The following RPH3A variants were observed in gnomAD, a reference collection of about 807,000 sequenced individuals.
RPH3A encodes the protein rabphilin-3A.
RPH3A carries 48 observed loss-of-function variants against 102.2 expected under a neutral mutation model. That is an observed-to-expected ratio of 0.47 (90% confidence interval 0.37 to 0.60). The LOEUF (loss-of-function observed/expected upper bound fraction) is 0.60, where lower values mean the gene tolerates loss of function less well. Among genes scored for constraint, RPH3A ranks in the 20% least tolerant of loss-of-function variants. The pLI is 0.00. For synonymous variants in RPH3A, 310 were observed against 324.3 expected, an observed-to-expected ratio of 0.96 and a Z score of 0.47; for missense variants, 781 against 910.1, an observed-to-expected ratio of 0.86 and a Z score of 1.83.
At position 112,898,026 on chromosome 12, in the gene RPH3A, T is replaced by G. The variant is rs750857446; in HGVS notation, c.*1246T>G. 1 of 152,294 alleles carries G rather than the reference T, an allele frequency of 6.6e-6. No homozygotes were observed. 9.4% of individuals were successfully genotyped at this position (152,294 alleles called of 1,614,324 possible). ...ACTCTGTTTCATTGACTCTTTTGCA[T>G]CCCATCTCTCACTCAGAACCCCCTC... On this transcript the variant is annotated 3_prime_UTR_variant, in exon 22 of 22. Coordinates refer to ENST00000389385, the MANE Select transcript of RPH3A (RefSeq NM_001143854.2).
rs557120063 is a variant in RPH3A, at chr12:112,746,584, A to G, written c.-139-45559A>G. Among the ~76,000 whole-genome samples, 3 of 152,226 alleles carry G rather than the reference A, an allele frequency of 2.0e-5. No individual in the cohort carries two copies. In the South Asian group the frequency reaches 6.2e-4, roughly 32 times the overall value. ...TGCTGGAAGTTGTAGGAGAGCAAAT[A>G]TTTACCTTCTCCACCAACCAAAGAG... On this transcript the variant is annotated intron_variant, in intron 1 of 21. Transcript: ENST00000543106.
chr12:112,655,563 CTTTTTTTTT>C (rs71086113), intron 1 of RPH3A, among the ~76,000 whole-genome samples: 13 of 55,586 alleles, frequency 2.3e-4, no homozygotes, highest in East Asian at 2.0e-3. Context: ...TTTTGTTGGT[CTTTTTTTTT>C]TTTTTTTTTT....
chr12:112,859,952 A>C (rs960798722), intron 5 of RPH3A, among the ~76,000 whole-genome samples: 2 of 152,218 alleles, frequency 1.3e-5, no homozygotes, highest in Admixed American at 6.5e-5. Flanking sequence ...GTTTAGAGTC[A>C]GGGCCGGGCA....
intron 1 of RPH3A, among the ~76,000 whole-genome samples, chr12:112,743,982 C>G (rs1054430611): frequency 6.6e-6 from 1 of 152,204 alleles, no homozygotes; most frequent in African/African-American, 2.4e-5. Flanking sequence ...TAGCACTGGC[C>G]TGGCACATAG....
In RPH3A at chr12:112,828,380, T is replaced by C; in HGVS notation, c.62T>C (p.Leu21Pro). The C allele has an allele frequency of 1.9e-6, 3 of 1,603,940 alleles. No individual in the cohort carries two copies. The highest frequency in any genetic ancestry group is 2.6e-6 in the Non-Finnish European group (3 of 1,175,502). ...TGGATGTACCCCAGTGACCGGCCCC[T>C]TCAATCAAAGTAAGTTGCTGCATCT... ...NRWMYPSDRP[L>P]QSNDKEQLQA... Residue 21 changes from leucine to proline, a missense_variant, in exon 3 of 22, where the codon CTT becomes CCT. Physicochemically the swap from Leu to Pro is moderately conservative, Grantham distance 98. This residue lies in a region of RPH3A where 730 missense variants were observed against 810.0 expected (regional missense o/e 0.90). Transcript: ENST00000389385.
At chr12:112,853,230 C>A (rs557897261) in intron 5 of RPH3A, among the ~76,000 whole-genome samples, 3 of 152,278 alleles carry the variant, frequency 2.0e-5, no homozygotes, top group African/African-American at 7.2e-5. Context: ...ACAAGCCAAC[C>A]ATAAGCCAGG....
chr12:112,624,287 G>T (rs1291011291), intron 1 of RPH3A, among the ~76,000 whole-genome samples: 1 of 151,068 alleles, frequency 6.6e-6, no homozygotes, highest in East Asian at 2.0e-4. Context: ...TTTTTGAAAG[G>T]ATCAACAAAA....
At chr12:112,692,192 G>A (rs1256766021) in intron 1 of RPH3A, among the ~76,000 whole-genome samples, 1 of 152,142 alleles carries the variant, frequency 6.6e-6, no homozygotes, top group African/African-American at 2.4e-5. Context: ...AGATGGAGAT[G>A]GGGAGAGATT....
At chr12:112,781,644 G>A (rs2041008523) in intron 1 of RPH3A, among the ~76,000 whole-genome samples, 1 of 152,172 alleles carries the variant, frequency 6.6e-6, no homozygotes, top group Non-Finnish European at 1.5e-5. Flanking sequence ...TCTCACCCAG[G>A]AAATAAATGG....
At chr12:112,648,740 G>A (rs1432492485) in intron 1 of RPH3A, among the ~76,000 whole-genome samples, 20 of 80,016 alleles carry the variant, frequency 2.5e-4, no homozygotes, top group African/African-American at 9.8e-4. Flanking sequence ...GCAAGACACG[G>A]TCTCAAAAAA....
chr12:112,730,126 T>C (rs1463413609), intron 1 of RPH3A, among the ~76,000 whole-genome samples: 1 of 152,124 alleles, frequency 6.6e-6, no homozygotes, highest in Non-Finnish European at 1.5e-5. Flanking sequence ...ATGGAACAGA[T>C]CCTTCCCTTA....
At chr12:112,613,391 G>GA (rs2039653995) in intron 1 of RPH3A, among the ~76,000 whole-genome samples, 1 of 152,170 alleles carries the variant, frequency 6.6e-6, no homozygotes, top group East Asian at 1.9e-4. Context: ...TAGACCTGGA[G>GA]ATTTGGATCC....
chr12:112,747,929 G>C (rs1345226362), intron 1 of RPH3A, among the ~76,000 whole-genome samples: 3 of 152,192 alleles, frequency 2.0e-5, no homozygotes, highest in Non-Finnish European at 4.4e-5. Context: ...GCCCCTTCTT[G>C]CAGCAGAGGT....
chr12:112,838,931 A>C (rs4766660), intron 4 of RPH3A, among the ~76,000 whole-genome samples: 1 of 151,826 alleles, frequency 6.6e-6, no homozygotes, highest in African/African-American at 2.4e-5. Flanking sequence ...CTGACCCCTC[A>C]TGGTGCACCA....
At chr12:112,751,802 G>A (rs2040787471) in intron 1 of RPH3A, among the ~76,000 whole-genome samples, 2 of 152,232 alleles carry the variant, frequency 1.3e-5, no homozygotes, top group South Asian at 4.1e-4. Flanking sequence ...AATTTTGTTT[G>A]TACCACTCTT....
intron 1 of RPH3A, among the ~76,000 whole-genome samples, chr12:112,667,467 T>C: frequency 6.6e-6 from 1 of 152,064 alleles, no homozygotes; most frequent in East Asian, 1.9e-4. Context: ...GCAGGAGTAA[T>C]TTGTGATTTT....
At chr12:112,858,393 G>A (rs2042449225) in intron 5 of RPH3A, among the ~76,000 whole-genome samples, 1 of 148,382 alleles carries the variant, frequency 6.7e-6, no homozygotes, top group South Asian at 2.2e-4. Flanking sequence ...TTCAATACAA[G>A]ACCCTGCATG....
In RPH3A at chr12:112,868,632, C is replaced by G. The variant is rs775228424; in HGVS notation, c.610+37C>G. On this transcript the variant is annotated intron_variant, in intron 8 of 21. Transcript: ENST00000389385. ...CAGGTGCTTCTTTCAGGACCAAGGACAGATCTTAGCCAACTGGTCTACCTG... is the reference window on the plus strand; with the variant it reads ...CAGGTGCTTCTTTCAGGACCAAGGAGAGATCTTAGCCAACTGGTCTACCTG... 5.0e-6 allele frequency: 8 copies of G among 1,594,474 alleles called. No homozygotes were observed. The South Asian group carries it at 5.6e-5, about 11-fold the overall frequency.
chr12:112,788,735 T>C (rs80300925), upstream of RPH3A, among the ~76,000 whole-genome samples: 7,609 of 152,272 alleles, frequency 0.05, 244 homozygotes, highest in African/African-American at 0.077. Flanking sequence ...GCCTAATGGC[T>C]GGGGAAGCTG....
Sources: allele counts gnomAD v4.1 joint callset (sites outside exome capture counted in the v4.1 genomes callset), GRCh38; gene constraint gnomAD v4.1.1; regional missense constraint gnomAD v4.1.1; transcripts MANE v1.5; gene names NCBI Gene and HGNC (gene_info 2026-07-23, HGNC 2026-07-21).